BMP6: variants seen among roughly 807,000 people sequenced by gnomAD.
BMP6 encodes the protein bone morphogenetic protein 6.
BMP6 carries 17 observed loss-of-function variants against 54.1 expected under a neutral mutation model. That is an observed-to-expected ratio of 0.31 (90% CI 0.22 to 0.47). BMP6 has a LOEUF of 0.47. Ranked by LOEUF, BMP6 falls within the 20% of genes least tolerant of loss-of-function variation. BMP6 has a pLI of 1.00. For missense variants in BMP6, 720 were observed against 690.4 expected, an observed-to-expected ratio of 1.04 and a Z score of -0.48; for synonymous variants, 328 against 291.2, an observed-to-expected ratio of 1.13 and a Z score of -1.28.
intron 1 of BMP6, among the ~76,000 whole-genome samples, chr6:7,777,480 C>T (rs1413091745): frequency 1.3e-5 from 2 of 152,182 alleles, no homozygotes; most frequent in African/African-American, 4.8e-5. Flanking sequence ...CCCCCTCTGG[C>T]TCCAGTATGG....
At chr6:7,816,878 T>C (rs1431502170) in intron 1 of BMP6, among the ~76,000 whole-genome samples, 1 of 152,186 alleles carries the variant, frequency 6.6e-6, no homozygotes, top group African/African-American at 2.4e-5. Flanking sequence ...CTCTACTGTT[T>C]TTCATATGGC....
rs894734354 is a variant in BMP6 at position 7,752,083 on chromosome 6, T to C, written c.664+24464T>C. Among the ~76,000 whole-genome samples, 6 of 152,218 alleles carry C rather than the reference T, an allele frequency of 3.9e-5. No individual in the cohort carries two copies. In the South Asian group the frequency reaches 1.0e-3, roughly 26 times the overall value. On this transcript the variant is annotated intron_variant, in intron 1 of 6. Coordinates refer to ENST00000283147, the MANE Select transcript of BMP6 (RefSeq NM_001718.6). Reference sequence around the variant, plus strand: ...GAATAATTTTCTACCTCCTTAAAACTTATTGGTCCTTGGTCATCCTTCTAG... The same window carrying C: ...GAATAATTTTCTACCTCCTTAAAACCTATTGGTCCTTGGTCATCCTTCTAG...
At chr6:7,756,390 T>C (rs1469654694) in intron 1 of BMP6, among the ~76,000 whole-genome samples, 2 of 152,240 alleles carry the variant, frequency 1.3e-5, no homozygotes, top group Non-Finnish European at 2.9e-5. Context: ...CTCATGCTTT[T>C]CTTTGTATTC....
intron 1 of BMP6, among the ~76,000 whole-genome samples, chr6:7,780,248 T>G (rs1402135708): frequency 6.6e-6 from 1 of 152,162 alleles, no homozygotes; most frequent in Non-Finnish European, 1.5e-5. Context: ...CCTCTAATTC[T>G]TTTTAAAAAG....
intron 1 of BMP6, among the ~76,000 whole-genome samples, chr6:7,810,536 C>G (rs1441561254): frequency 1.3e-5 from 2 of 152,226 alleles, no homozygotes; most frequent in East Asian, 3.9e-4. Flanking sequence ...CAGACATGTA[C>G]CTGTACATGG....
chr6:7,783,608 T>C (rs1757979848), intron 1 of BMP6, among the ~76,000 whole-genome samples: 1 of 152,254 alleles, frequency 6.6e-6, no homozygotes, highest in South Asian at 2.1e-4. Context: ...GTAAATCCAG[T>C]GGTCTGCAAA....
At chr6:7,759,000 G>A (rs910080182) in intron 1 of BMP6, among the ~76,000 whole-genome samples, 1 of 152,216 alleles carries the variant, frequency 6.6e-6, no homozygotes. Flanking sequence ...AGCAGAGACT[G>A]TCTTATTCTT....
At chr6:7,872,039 G>C (rs1337986740) in intron 4 of BMP6, among the ~76,000 whole-genome samples, 2 of 152,198 alleles carry the variant, frequency 1.3e-5, no homozygotes, top group Admixed American at 1.3e-4. Flanking sequence ...TCTTGGGTCA[G>C]CTTCTCTGGT....
intron 1 of BMP6, among the ~76,000 whole-genome samples, chr6:7,760,802 C>T (rs1316037593): frequency 6.6e-6 from 1 of 152,184 alleles, no homozygotes; most frequent in Non-Finnish European, 1.5e-5. Flanking sequence ...AAGTAGATGT[C>T]TGGTGAATAA....
intron 1 of BMP6, among the ~76,000 whole-genome samples, chr6:7,736,849 T>C (rs1369820973): frequency 6.6e-6 from 1 of 152,164 alleles, no homozygotes; most frequent in Non-Finnish European, 1.5e-5. Flanking sequence ...GCCCGCCCGT[T>C]ATCTCCCACC....
At chr6:7,817,587 G>C (rs57719289) in intron 1 of BMP6, among the ~76,000 whole-genome samples, 1 of 142,294 alleles carries the variant, frequency 7.0e-6, no homozygotes, top group South Asian at 2.5e-4. Flanking sequence ...CGTGGGGGGT[G>C]GGGGGAGGGA....
chr6:7,767,602 T>C (rs1757711957), intron 1 of BMP6, among the ~76,000 whole-genome samples: 1 of 152,234 alleles, frequency 6.6e-6, no homozygotes, highest in Non-Finnish European at 1.5e-5. Context: ...TGTATTTATC[T>C]TAGGGTGAAG....
chr6:7,772,853 TTTC>T (rs1757811068), intron 1 of BMP6, among the ~76,000 whole-genome samples: 2 of 152,194 alleles, frequency 1.3e-5, no homozygotes, highest in African/African-American at 2.4e-5. Context: ...CATTCTCACA[TTTC>T]TTCTTTAGCT....
At chr6:7,819,928 A>G (rs1017793584) in intron 1 of BMP6, among the ~76,000 whole-genome samples, 1 of 152,248 alleles carries the variant, frequency 6.6e-6, no homozygotes. Flanking sequence ...ATCTGAGAGT[A>G]TTTAACAACT....
At chr6:7,867,580 G>C (rs1759445523) in intron 4 of BMP6, among the ~76,000 whole-genome samples, 1 of 152,212 alleles carries the variant, frequency 6.6e-6, no homozygotes, top group African/African-American at 2.4e-5. Context: ...CACAGGTCAA[G>C]ACTGTGAACT....
At chr6:7,761,235 T>C (rs1487928856) in intron 1 of BMP6, among the ~76,000 whole-genome samples, 1 of 152,244 alleles carries the variant, frequency 6.6e-6, no homozygotes, top group Non-Finnish European at 1.5e-5. Flanking sequence ...TACCAAAATG[T>C]TTGTGAAATC....
At chr6:7,733,818 G>A (rs1053561054) in intron 1 of BMP6, among the ~76,000 whole-genome samples, 11 of 152,112 alleles carry the variant, frequency 7.2e-5, no homozygotes, top group African/African-American at 2.4e-4. Context: ...AGTCTCTCCT[G>A]GAATATATGA....
At chr6:7,780,435 G>A (rs960817694) in intron 1 of BMP6, among the ~76,000 whole-genome samples, 3 of 152,014 alleles carry the variant, frequency 2.0e-5, no homozygotes, top group African/African-American at 7.2e-5. Flanking sequence ...TGTAATCCCA[G>A]CTGCTCGGGA....
chr6:7,809,318 G>A (rs1324612342), intron 1 of BMP6, among the ~76,000 whole-genome samples: 1 of 152,284 alleles, frequency 6.6e-6, no homozygotes, highest in East Asian at 1.9e-4. Flanking sequence ...AAAAAAAGCT[G>A]CTGTTCAAGG....
Sources: allele counts gnomAD v4.1 joint callset (sites outside exome capture counted in the v4.1 genomes callset), GRCh38; gene constraint gnomAD v4.1.1; transcripts MANE v1.5; gene names NCBI Gene and HGNC (gene_info 2026-07-23, HGNC 2026-07-21).